The following ABHD16A variants were observed in gnomAD, a reference collection of about 807,000 sequenced individuals.
ABHD16A encodes abhydrolase domain containing 16A, phospholipase.
ABHD16A carries 47 observed loss-of-function variants against 89.8 expected under a neutral mutation model. The ratio of observed to expected loss-of-function variants is 0.52; its 90% CI spans 0.41 to 0.67. The LOEUF (loss-of-function observed/expected upper bound fraction) is 0.67, where lower values mean the gene tolerates loss of function less well. Among genes scored for constraint, ABHD16A ranks in the 30% least tolerant of loss-of-function variants. The probability of loss-of-function intolerance (pLI) is 0.00; values close to 1 mark genes in which losing one functional copy is unlikely to be tolerated. For synonymous variants in ABHD16A, 251 were observed against 280.4 expected (o/e 0.90, Z 1.05); for missense variants, 580 against 734.6 (o/e 0.79, Z 2.43).
intron 4 of ABHD16A, 59 bp from the exon 5 acceptor site, chr6:31,697,092 T>C (rs1804473337): frequency 2.0e-6 from 3 of 1,504,646 alleles, no homozygotes; most frequent in Non-Finnish European, 2.8e-6. Context: ...AAGCCTAGGT[T>C]TTAGGAAAAG....
In ABHD16A at chr6:31,689,016, C is replaced by T; in HGVS notation, c.1185G>A (p.Trp395Ter). Residue 395 changes from tryptophan to a stop codon, truncating the protein, a stop_gained and splice_region_variant, in exon 13 of 20, where the codon TGG becomes TGA. Transcript: ENST00000395952. LOFTEE classifies it high-confidence loss of function. ...PLALKVMPDS[W>*]RGLVTRTVRQ... ...GGCAGGCCTGGGAGCTGCACTCACTCCAGCTGTCTGGCATGACCTTCAAGG... is the reference window on the plus strand; with the variant it reads ...GGCAGGCCTGGGAGCTGCACTCACTTCAGCTGTCTGGCATGACCTTCAAGG... The T allele has an allele frequency of 6.2e-7, 1 of 1,612,460 alleles. No homozygotes were observed. The highest frequency in any genetic ancestry group is 8.5e-7 in the Non-Finnish European group (1 of 1,178,844).
At position 31,690,549 on chromosome 6, in the gene ABHD16A, C is replaced by A; in HGVS notation, c.897G>T (p.Thr299=). The A allele has an allele frequency of 6.2e-7, 1 of 1,612,928 alleles. No individual in the cohort carries two copies. Among genetic ancestry groups the A allele is most frequent in the Non-Finnish European group, 8.5e-7 (1 of 1,179,968 alleles). Residue 299 remains threonine, a synonymous_variant, in exon 10 of 20, where the codon ACG becomes ACT. Coordinates refer to ENST00000395952, the MANE Select transcript of ABHD16A (RefSeq NM_021160.3). The surrounding 1 kb of genome is among the most constrained non-coding windows in gnomAD (Gnocchi z 4.1). ...AGFYEVGCVS[T]PLEAGYSVLG... is the part of the protein sequence containing the mutation. ...GAGTCACCGTCCTACCTTCCAGGGG[C>A]GTGGAGACGCAGCCCACCTCATAAA...
chr6:31,702,568 T>C, intron 1 of ABHD16A: 4 of 1,414,076 alleles, frequency 2.8e-6, no homozygotes, highest in Middle Eastern at 1.8e-4. Context: ...AGTAACACAA[T>C]GAGACAACTG....
In ABHD16A at chr6:31,688,059, A is replaced by C. The variant is rs1424783815; in HGVS notation, c.1352T>G (p.Leu451Arg). ...CTCTCACCGATGCTGCAGGAGCTTCAGCAGGAGGTCATTGCCTCGGTTGGA... is the reference window on the plus strand; with the variant it reads ...CTCTCACCGATGCTGCAGGAGCTTCCGCAGGAGGTCATTGCCTCGGTTGGA... ...IMSNRGNDLLLKLLQHRYPRV... is the reference protein window; with the variant it reads ...IMSNRGNDLLRKLLQHRYPRV... Residue 451 changes from leucine to arginine, a missense_variant, in exon 16 of 20, where the codon CTG becomes CGG. Transcript: ENST00000395952. This position sits in a 1 kb window ranked among gnomAD's most constrained non-coding sequence, Gnocchi z 4.9. The C allele has an allele frequency of 6.8e-6, 11 of 1,612,900 alleles. No individual in the cohort carries two copies. The highest frequency in any genetic ancestry group is 9.3e-6 in the Non-Finnish European group (11 of 1,179,500).
chr6:31,696,379 T>A (rs1221155609), intron 5 of ABHD16A, among the ~76,000 whole-genome samples: 2 of 150,196 alleles, frequency 1.3e-5, no homozygotes, highest in Non-Finnish European at 3.0e-5. Flanking sequence ...ACGCCTGTAA[T>A]CCCAGCACTT....
At position 31,690,530 on chromosome 6, in the gene ABHD16A, C is replaced by A. The variant is rs776583010; in HGVS notation, c.907+9G>T. The stretch of plus-strand genomic sequence containing the variant: ...GGGCGGAGATAAGGAGGCTGAGTCA[C>A]CGTCCTACCTTCCAGGGGCGTGGAG... On this transcript the variant is annotated intron_variant, in intron 10 of 19. Coordinates refer to ENST00000395952, the MANE Select transcript of ABHD16A (RefSeq NM_021160.3). The surrounding 1 kb of genome is among the most constrained non-coding windows in gnomAD (Gnocchi z 4.1). 6.8e-6 allele frequency: 11 copies of A among 1,612,922 alleles called. No homozygotes were observed. The South Asian group carries it at 1.1e-4, about 16-fold the overall frequency.
intron 7 of ABHD16A, chr6:31,692,656 C>G (rs1803999573): frequency 4.0e-6 from 1 of 252,546 alleles, no homozygotes; most frequent in African/African-American, 2.3e-5. Context: ...GGCCCGGAGC[C>G]AAGGTGGAAT....
Position 31,699,067 on chromosome 6 carries a change from C to T in ABHD16A, c.343+1875G>A, listed in dbSNP as rs368037430. 4.3e-4 allele frequency among the ~76,000 whole-genome samples: 65 copies of T among 152,336 alleles called. 1 individual carries two copies. Among genetic ancestry groups the T allele is most frequent in the East Asian group, 3.5e-3 (18 of 5,192 alleles). ...CACCTCTCAGCAGGGCTCTCCCCCA[C>T]TCTGTTCTCCCCCACCCCAGGTAAT... On this transcript the variant is annotated intron_variant, in intron 4 of 19. Coordinates refer to ENST00000395952, the MANE Select transcript of ABHD16A (RefSeq NM_021160.3).
At chr6:31,703,105 G>A (rs1805188567) in intron 1 of ABHD16A, 45 bp downstream of exon 1, 4 of 1,407,080 alleles carry the variant, frequency 2.8e-6, no homozygotes, top group Non-Finnish European at 3.7e-6. Flanking sequence ...GCCGTAAAGG[G>A]TTTGGACTGT....
At chr6:31,696,286 G>T (rs1236147120) in intron 5 of ABHD16A, among the ~76,000 whole-genome samples, 1 of 150,914 alleles carries the variant, frequency 6.6e-6, no homozygotes, top group East Asian at 2.0e-4. Context: ...AACTGAGATT[G>T]TACCACTATA....
Position 31,688,024 on chromosome 6 carries a change from C to T in ABHD16A, c.1370+17G>A, listed in dbSNP as rs376190924. ...GTGTGTACACTGCCCCCAGCGCGCACACACCCTGGCTCTCACCGATGCTGC... is the reference window on the plus strand; with the variant it reads ...GTGTGTACACTGCCCCCAGCGCGCATACACCCTGGCTCTCACCGATGCTGC... On this transcript the variant is annotated intron_variant, in intron 16 of 19. Transcript: ENST00000395952. This position sits in a 1 kb window ranked among gnomAD's most constrained non-coding sequence, Gnocchi z 4.9. 1.6e-5 allele frequency: 26 copies of T among 1,611,538 alleles called. No individual in the cohort carries two copies. The highest frequency in any genetic ancestry group is 2.2e-5 in the Non-Finnish European group (26 of 1,178,852).
At chr6:31,697,489 C>T (rs138001261) in intron 4 of ABHD16A, among the ~76,000 whole-genome samples, 247 of 152,226 alleles carry the variant, frequency 1.6e-3, no homozygotes, top group African/African-American at 5.6e-3. Flanking sequence ...TCAGAGTCTC[C>T]GACTCCTGCC....
At chr6:31,695,386 T>C (rs1208018632) in intron 5 of ABHD16A, among the ~76,000 whole-genome samples, 2 of 152,210 alleles carry the variant, frequency 1.3e-5, no homozygotes, top group South Asian at 2.1e-4. Flanking sequence ...AAATTAAACA[T>C]TTATAGAACT....
In ABHD16A at chr6:31,703,195, G is replaced by A. The variant is rs1317115511; in HGVS notation, c.87C>T (p.Val29=). 1.1e-5 allele frequency: 16 copies of A among 1,437,820 alleles called. No homozygotes were observed. Among genetic ancestry groups the A allele is most frequent in the Non-Finnish European group, 1.5e-5 (16 of 1,088,122 alleles). 89.1% of individuals were successfully genotyped at this position (1,437,820 alleles called of 1,614,324 possible). Reference sequence around the variant, plus strand: ...CAGTGACTGCCGTTGGCGTCTCAGGGACGCTGGCCGGGGCCCTTTCAGAGT... The same window carrying A: ...CAGTGACTGCCGTTGGCGTCTCAGGAACGCTGGCCGGGGCCCTTTCAGAGT... The part of the protein sequence containing the change: ...ERDSERAPAS[V]PETPTAVTAP... Residue 29 remains valine (V), a synonymous_variant, in exon 1 of 20, where the codon GTC becomes GTT. Coordinates refer to ENST00000395952, the MANE Select transcript of ABHD16A (RefSeq NM_021160.3).
chr6:31,689,161 C>A, intron 12 of ABHD16A, 42 bp from the exon 13 acceptor site: 3 of 1,526,140 alleles, frequency 2.0e-6, no homozygotes, highest in African/African-American at 2.7e-5. Flanking sequence ...CTGAGAAAGG[C>A]TCCTTTCTCC....
chr6:31,688,850 A>G lies in ABHD16A; in HGVS notation c.1187-64T>C, dbSNP rs1406340357. On this transcript the variant is annotated intron_variant, in intron 13 of 19. Coordinates refer to ENST00000395952, the MANE Select transcript of ABHD16A (RefSeq NM_021160.3). The surrounding 1 kb of genome is among the most constrained non-coding windows in gnomAD (Gnocchi z 4.9). The stretch of plus-strand genomic sequence containing the variant: ...GCCCTTGCCCAACATAAAGGTCCTC[A>G]CTATTCACGGAGAAAGAAAACTGAG... 2 of 1,550,092 alleles carry G rather than the reference A, an allele frequency of 1.3e-6. No homozygotes were observed. Among genetic ancestry groups the G allele is most frequent in the South Asian group, 1.1e-5 (1 of 87,798 alleles).
chr6:31,701,866 C>A (rs1262691052), intron 2 of ABHD16A, among the ~76,000 whole-genome samples: 1 of 152,116 alleles, frequency 6.6e-6, no homozygotes, highest in Non-Finnish European at 1.5e-5. Context: ...CAGGTTGCCC[C>A]CAGAGAAAGC....
Position 31,688,679 on chromosome 6 carries a change from T to A in ABHD16A, c.1250+44A>T, listed in dbSNP as rs1271282926. ...AGGGTTTGAGCGCCCAGCAGAGCTG[T>A]ATGGGGGGCAGGTGTTCAATGCCGG... On this transcript the variant is annotated intron_variant, in intron 14 of 19. Coordinates refer to ENST00000395952, the MANE Select transcript of ABHD16A (RefSeq NM_021160.3). This position sits in a 1 kb window ranked among gnomAD's most constrained non-coding sequence, Gnocchi z 4.9. 3 of 1,606,626 alleles carry A rather than the reference T, an allele frequency of 1.9e-6. No homozygotes were observed. Among genetic ancestry groups the A allele is most frequent in the African/African-American group, 1.3e-5 (1 of 74,744 alleles).
At chr6:31,702,836 A>T (rs1805159435) in intron 1 of ABHD16A, 1 of 1,395,060 alleles carries the variant, frequency 7.2e-7, no homozygotes, top group African/African-American at 1.5e-5. Flanking sequence ...CAGTCCGCGC[A>T]GGGTCTCTTC....
Sources: gnomAD v4.1 joint callset for allele counts (sites outside exome capture counted in the v4.1 genomes callset) on GRCh38, gnomAD v4.1.1 for gene constraint, Gnocchi (gnomAD v3.1) non-coding constraint, MANE v1.5 for transcripts, NCBI Gene and HGNC (gene_info 2026-07-23, HGNC 2026-07-21) for gene names.